Variants in MAB21L3 observed in about 807,000 individuals in gnomAD.
MAB21L3 encodes protein mab-21-like 3.
A neutral mutation model predicts 37.7 loss-of-function variants in MAB21L3; 36 were observed. The observed-to-expected ratio is 0.96, with a 90% CI of 0.73 to 1.26. The LOEUF (loss-of-function observed/expected upper bound fraction) is 1.26. MAB21L3 is among the 50% of genes most tolerant of loss of function. The probability of loss-of-function intolerance (pLI) is 0.00; values close to 1 mark genes in which losing one functional copy is unlikely to be tolerated. For missense variants in MAB21L3, 430 were observed against 447.3 expected (o/e 0.96, Z 0.35); for synonymous variants, 186 against 176.8 (o/e 1.05, Z -0.41).
intron 7 of MAB21L3, among the ~76,000 whole-genome samples, chr1:116,132,173 A>T (rs1434673249): frequency 6.6e-6 from 1 of 152,158 alleles, no homozygotes; most frequent in East Asian, 1.9e-4. Flanking sequence ...CAAGTCATTC[A>T]TATGTAGTGA....
At chr1:116,117,843 T>C (rs1218864256) in intron 3 of MAB21L3, among the ~76,000 whole-genome samples, 2 of 152,194 alleles carry the variant, frequency 1.3e-5, no homozygotes, top group Admixed American at 6.5e-5. Context: ...CTTTTATCTG[T>C]ATCTGCATGC....
intron 3 of MAB21L3, among the ~76,000 whole-genome samples, chr1:116,118,425 C>G (rs1659652194): frequency 6.6e-6 from 1 of 151,946 alleles, no homozygotes; most frequent in Non-Finnish European, 1.5e-5. Context: ...TCTGTCTTCA[C>G]TTGGTTTTCT....
At chr1:116,120,066 G>A (rs536305440) in intron 3 of MAB21L3, among the ~76,000 whole-genome samples, 13 of 152,206 alleles carry the variant, frequency 8.5e-5, no homozygotes, top group Admixed American at 2.0e-4. Context: ...GGCAGCAGGC[G>A]TGACAATACC....
Position 116,112,551 on chromosome 1 carries a change from C to A in MAB21L3, c.-65C>A. 6.9e-7 allele frequency: 1 copy of A among 1,458,438 alleles called. No individual in the cohort carries two copies. The highest frequency in any genetic ancestry group is 9.6e-7 in the Non-Finnish European group (1 of 1,043,168). 90.3% of individuals were successfully genotyped at this position (1,458,438 alleles called of 1,614,324 possible). ...GAGTGCTATCTACTCACAAGTGTTG[C>A]ACTCCATTGAGAAAAAAAAAAAAAC... On this transcript the variant is annotated 5_prime_UTR_variant, in exon 3 of 8. Coordinates refer to ENST00000369500, the MANE Select transcript of MAB21L3 (RefSeq NM_152367.3).
intron 5 of MAB21L3, among the ~76,000 whole-genome samples, chr1:116,124,830 T>C (rs759241761): frequency 2.6e-5 from 4 of 151,574 alleles, no homozygotes; most frequent in Non-Finnish European, 5.9e-5. Flanking sequence ...TGACTAAGTT[T>C]GACAACTCCA....
intron 3 of MAB21L3, among the ~76,000 whole-genome samples, chr1:116,113,474 A>G (rs1323392319): frequency 1.3e-5 from 2 of 152,256 alleles, no homozygotes; most frequent in East Asian, 1.9e-4. Flanking sequence ...AGTGGAAGAG[A>G]TATTGGCTGG....
Position 116,133,144 on chromosome 1 carries a change from T to C in MAB21L3, c.868T>C (p.Trp290Arg). 3.1e-6 allele frequency: 5 copies of C among 1,614,144 alleles called. No individual in the cohort carries two copies. The highest frequency in any genetic ancestry group is 4.2e-6 in the Non-Finnish European group (5 of 1,179,968). The change falls in exon 8 of 8, where the codon TGG becomes CGG. Residue 290 changes from tryptophan (W) to arginine (R), a missense_variant. Physicochemically the swap from Trp to Arg is moderately radical, Grantham distance 101 (BLOSUM62 -3). Transcript: ENST00000369500. Reference sequence around the variant, plus strand: ...CTCCCTTCCACAGACTGTGCTCTTTTGGACCTGCGAGAAATATCCCCACTT... The same window carrying C: ...CTCCCTTCCACAGACTGTGCTCTTTCGGACCTGCGAGAAATATCCCCACTT... ...TSHHLQTVLFWTCEKYPHFKD... is the reference protein window; with the variant it reads ...TSHHLQTVLFRTCEKYPHFKD...
At chr1:116,120,213 C>T (rs1418486668) in intron 3 of MAB21L3, among the ~76,000 whole-genome samples, 1 of 152,106 alleles carries the variant, frequency 6.6e-6, no homozygotes, top group African/African-American at 2.4e-5. Flanking sequence ...TAGAGCATTG[C>T]CTACGTCAGA....
At chr1:116,119,931 G>T (rs1659694505) in intron 3 of MAB21L3, among the ~76,000 whole-genome samples, 1 of 152,134 alleles carries the variant, frequency 6.6e-6, no homozygotes, top group South Asian at 2.1e-4. Flanking sequence ...CTTTTCTTAA[G>T]GGTCTAGAAG....
At chr1:116,128,022 C>T (rs1038809404) in intron 6 of MAB21L3, 123 bp from the exon 7 acceptor site, 80 of 1,024,152 alleles carry the variant, frequency 7.8e-5, no homozygotes, top group Non-Finnish European at 1.1e-4. Flanking sequence ...TTCTCATCCC[C>T]ACGTAGGATG....
At position 116,124,282 on chromosome 1, in the gene MAB21L3, G is replaced by A. The variant is rs866713993; in HGVS notation, c.406G>A (p.Asp136Asn). 6.2e-7 allele frequency: 1 copy of A among 1,614,182 alleles called. No individual in the cohort carries two copies. The highest frequency in any genetic ancestry group is 8.5e-7 in the Non-Finnish European group (1 of 1,180,040). The change falls in exon 5 of 8, where the codon GAC becomes AAC. Residue 136 changes from aspartate to asparagine, a missense_variant. Asp to Asn is a conservative substitution (Grantham distance 23, BLOSUM62 1). Coordinates refer to ENST00000369500, the MANE Select transcript of MAB21L3 (RefSeq NM_152367.3). ...WHETDVNIDG[D>N]IVPAKVLLVF... Reference sequence around the variant, plus strand: ...TGAGACAGATGTGAACATCGACGGAGACATTGTGCCTGCCAAGGTCCTCCT... The same window carrying A: ...TGAGACAGATGTGAACATCGACGGAAACATTGTGCCTGCCAAGGTCCTCCT...
chr1:116,124,617 G>C (rs1200854752), intron 5 of MAB21L3, among the ~76,000 whole-genome samples: 1 of 152,104 alleles, frequency 6.6e-6, no homozygotes, highest in Non-Finnish European at 1.5e-5. Flanking sequence ...AAAATGCTGT[G>C]GATTATGCAC....
intron 3 of MAB21L3, 74 bp from the exon 4 acceptor site, chr1:116,120,858 C>A (rs1412276215): frequency 2.5e-6 from 4 of 1,570,060 alleles, no homozygotes; most frequent in Non-Finnish European, 3.5e-6. Flanking sequence ...ACCCTTGTCT[C>A]CTCACTCTCT....
intron 3 of MAB21L3, among the ~76,000 whole-genome samples, chr1:116,117,793 G>A (rs781706620): frequency 3.9e-5 from 6 of 152,156 alleles, no homozygotes; most frequent in South Asian, 2.1e-4. Context: ...GAACATAGAC[G>A]TCAGACTGGA....
At chr1:116,125,931 G>A (rs1423499220) in intron 5 of MAB21L3, among the ~76,000 whole-genome samples, 2 of 152,182 alleles carry the variant, frequency 1.3e-5, no homozygotes, top group South Asian at 2.1e-4. Context: ...TATGCTGTGC[G>A]ACATTATTCA....
intron 4 of MAB21L3, among the ~76,000 whole-genome samples, chr1:116,122,192 A>G (rs763625846): frequency 2.3e-4 from 35 of 152,212 alleles, no homozygotes; most frequent in Non-Finnish European, 4.7e-4. Flanking sequence ...GGAACCACCT[A>G]AGAGATTCTG....
intron 4 of MAB21L3, among the ~76,000 whole-genome samples, chr1:116,122,677 C>T (rs777734144): frequency 7.9e-5 from 12 of 152,230 alleles, no homozygotes; most frequent in Non-Finnish European, 1.8e-4. Context: ...TTTCCCACCT[C>T]AGCCACCTGA....
intron 3 of MAB21L3, among the ~76,000 whole-genome samples, chr1:116,117,826 C>T (rs1423615014): frequency 6.6e-6 from 1 of 152,134 alleles, no homozygotes; most frequent in Non-Finnish European, 1.5e-5. Flanking sequence ...TTTCACTGCC[C>T]CCTACCCTTT....
chr1:116,116,946 A>G lies in MAB21L3; in HGVS notation c.49-3986A>G, dbSNP rs146353929. Among the ~76,000 whole-genome samples, 272 of 152,150 alleles carry G rather than the reference A, an allele frequency of 1.8e-3. 1 individual carries two copies. Among genetic ancestry groups the G allele is most frequent in the African/African-American group, 6.1e-3 (255 of 41,488 alleles). ...AGTGCGTGATCTTGTCCTGCTCGGT[A>G]AGAATTTCACCATCAAATGAGGGCA... On this transcript the variant is annotated intron_variant, in intron 3 of 7. Coordinates refer to ENST00000369500, the MANE Select transcript of MAB21L3 (RefSeq NM_152367.3).
Sources: allele counts gnomAD v4.1 joint callset (sites outside exome capture counted in the v4.1 genomes callset), GRCh38; gene constraint gnomAD v4.1.1; transcripts MANE v1.5; gene names NCBI Gene and HGNC (gene_info 2026-07-23, HGNC 2026-07-21).